PHLDB2: variants seen among roughly 807,000 people sequenced by gnomAD.
PHLDB2 encodes pleckstrin homology-like domain family B member 2.
In PHLDB2, 71 loss-of-function variants were observed where a neutral mutation model predicts 123.6. The ratio of observed to expected loss-of-function variants is 0.57; its 90% CI spans 0.47 to 0.70. The LOEUF (loss-of-function observed/expected upper bound fraction) is 0.70, where lower values mean the gene tolerates loss of function less well. Among genes scored for constraint, PHLDB2 ranks in the 30% least tolerant of loss-of-function variants. PHLDB2 has a pLI of 0.00. For synonymous variants in PHLDB2, 547 were observed against 541.6 expected, an observed-to-expected ratio of 1.01 and a Z score of -0.14; for missense variants, 1,446 against 1,519.5, an observed-to-expected ratio of 0.95 and a Z score of 0.80.
At chr3:111,948,088 A>G (rs1412937363) in intron 9 of PHLDB2, among the ~76,000 whole-genome samples, 1 of 152,174 alleles carries the variant, frequency 6.6e-6, no homozygotes, top group Non-Finnish European at 1.5e-5. Context: ...TGCTTCTCAG[A>G]TATTTTGATC....
chr3:111,807,572 T>A (rs4513422), intron 1 of PHLDB2, among the ~76,000 whole-genome samples: 54,124 of 151,698 alleles, frequency 0.36, 9,999 homozygotes, highest in East Asian at 0.48. Context: ...AATAAAAATT[T>A]AAAAAAAATA....
chr3:111,890,925 A>G (rs191590527), intron 2 of PHLDB2, among the ~76,000 whole-genome samples: 80 of 152,116 alleles, frequency 5.3e-4, no homozygotes, highest in Middle Eastern at 6.8e-3. Context: ...TTCGTTTTTT[A>G]TGATCTTAGA....
At chr3:111,767,936 C>G (rs1272912099) in intron 1 of PHLDB2, among the ~76,000 whole-genome samples, 1 of 151,920 alleles carries the variant, frequency 6.6e-6, no homozygotes, top group Non-Finnish European at 1.5e-5. Context: ...ATAGGGTTAT[C>G]TAGAGGAAGC....
At chr3:111,922,466 A>G (rs1434159989) in intron 5 of PHLDB2, among the ~76,000 whole-genome samples, 1 of 152,198 alleles carries the variant, frequency 6.6e-6, no homozygotes, top group African/African-American at 2.4e-5. Context: ...GAGGCTATGC[A>G]CTGGAGAGGG....
chr3:111,954,096 G>A (rs955843646), intron 12 of PHLDB2, 67 bp downstream of exon 12: 2 of 1,401,734 alleles, frequency 1.4e-6, no homozygotes, highest in African/African-American at 1.4e-5. Context: ...GGGGGAGGAA[G>A]TGAGAACAGG....
chr3:111,834,202 T>TATATATATA (rs2063254347), intron 1 of PHLDB2, among the ~76,000 whole-genome samples: 1 of 45,174 alleles, frequency 2.2e-5, no homozygotes, highest in Admixed American at 3.0e-4. Flanking sequence ...GTAATAGAAT[T>TATATATATA]ATATATGTAA....
At chr3:111,732,757 C>G in intron 1 of PHLDB2, 1 of 1,393,350 alleles carries the variant, frequency 7.2e-7, no homozygotes, top group Non-Finnish European at 9.8e-7. Flanking sequence ...AAATGAGCAG[C>G]ATATACAGCC....
intron 2 of PHLDB2, among the ~76,000 whole-genome samples, chr3:111,912,497 A>C (rs2067945640): frequency 6.6e-6 from 1 of 152,146 alleles, no homozygotes; most frequent in Non-Finnish European, 1.5e-5. Context: ...GCAACATTCT[A>C]TCTCTTTTAT....
intron 2 of PHLDB2, among the ~76,000 whole-genome samples, chr3:111,909,888 C>T (rs903416469): frequency 6.6e-6 from 1 of 152,068 alleles, no homozygotes; most frequent in Non-Finnish European, 1.5e-5. Flanking sequence ...AGGTTTTTAG[C>T]AAAGATTACA....
intron 1 of PHLDB2, chr3:111,779,796 A>C (rs1449976265): frequency 1.3e-5 from 12 of 916,088 alleles, no homozygotes; most frequent in Non-Finnish European, 1.6e-5. Flanking sequence ...TCTTAAGAGG[A>C]CTCTGACCTC....
At chr3:111,907,030 C>T (rs552573582) in intron 2 of PHLDB2, among the ~76,000 whole-genome samples, 1 of 152,266 alleles carries the variant, frequency 6.6e-6, no homozygotes, top group Non-Finnish European at 1.5e-5. Flanking sequence ...ATTTGTAAAA[C>T]CAAATGATAA....
chr3:111,872,203 C>CT (rs2065371864), intron 1 of PHLDB2, among the ~76,000 whole-genome samples: 1 of 152,218 alleles, frequency 6.6e-6, no homozygotes, highest in Non-Finnish European at 1.5e-5. Context: ...TGTAATAAGG[C>CT]ATGTAGCCAT....
At chr3:111,831,441 A>T (rs1252533775) in intron 1 of PHLDB2, among the ~76,000 whole-genome samples, 1 of 137,710 alleles carries the variant, frequency 7.3e-6, no homozygotes, top group East Asian at 2.3e-4. Context: ...ATTTGTAGGG[A>T]CAGTAGGGGG....
chr3:111,765,451 T>C (rs562482626), intron 1 of PHLDB2, among the ~76,000 whole-genome samples: 48 of 152,326 alleles, frequency 3.2e-4, no homozygotes, highest in Non-Finnish European at 3.1e-4. Flanking sequence ...AATTATCTTG[T>C]CCTAAGGCAC....
intron 12 of PHLDB2, among the ~76,000 whole-genome samples, chr3:111,956,227 A>G (rs2071049505): frequency 1.3e-5 from 2 of 152,206 alleles, no homozygotes; most frequent in Admixed American, 1.3e-4. Flanking sequence ...GTATTTTCTC[A>G]AAGAGTAAGA....
intron 1 of PHLDB2, among the ~76,000 whole-genome samples, chr3:111,808,507 A>G (rs1242595504): frequency 7.0e-6 from 1 of 142,278 alleles, no homozygotes; most frequent in African/African-American, 2.6e-5. Flanking sequence ...TTTTTTTTTC[A>G]TCTTTTATTT....
chr3:111,839,962 T>TTTG (rs2063606803), intron 1 of PHLDB2, among the ~76,000 whole-genome samples: 1 of 144,204 alleles, frequency 6.9e-6, no homozygotes, highest in East Asian at 2.0e-4. Context: ...TTTTTTTTTT[T>TTTG]TTGCGCCAAG....
At chr3:111,878,433 C>G (rs1227990489) in intron 1 of PHLDB2, among the ~76,000 whole-genome samples, 2 of 152,166 alleles carry the variant, frequency 1.3e-5, no homozygotes, top group South Asian at 4.2e-4. Context: ...AGTTGCTTAT[C>G]AGCTTAAGGA....
At chr3:111,877,951 G>A (rs2065721781) in intron 1 of PHLDB2, among the ~76,000 whole-genome samples, 1 of 152,150 alleles carries the variant, frequency 6.6e-6, no homozygotes, top group Admixed American at 6.5e-5. Flanking sequence ...TTTGGTTACT[G>A]TAGCCTTGTA....
Sources: allele counts gnomAD v4.1 joint callset (sites outside exome capture counted in the v4.1 genomes callset), GRCh38; gene constraint gnomAD v4.1.1; transcripts MANE v1.5; gene names NCBI Gene and HGNC (gene_info 2026-07-23, HGNC 2026-07-21).